MTFR1: variants seen among roughly 807,000 people sequenced by gnomAD.
MTFR1 encodes chondrocyte protein with a poly-proline region.
Under a neutral mutation model 38.8 loss-of-function variants are expected in MTFR1, and 28 were observed. That is an observed-to-expected ratio of 0.72 (90% CI 0.53 to 0.99). MTFR1 has a LOEUF of 0.99. Ranked by LOEUF, MTFR1 falls within the 50% of genes least tolerant of loss-of-function variation. The pLI is 0.00. For synonymous variants in MTFR1, 145 were observed against 137.0 expected, an observed-to-expected ratio of 1.06 and a Z score of -0.41; for missense variants, 358 against 395.5, an observed-to-expected ratio of 0.91 and a Z score of 0.81.
Position 65,707,831 on chromosome 8 carries a change from C to T in MTFR1, c.765-12C>T. 1 of 1,611,784 alleles carries T rather than the reference C, an allele frequency of 6.2e-7. No homozygotes were observed. Among genetic ancestry groups the T allele is most frequent in the Non-Finnish European group, 8.5e-7 (1 of 1,178,744 alleles). ...TTGATCTGTCCCCTTGGTTTGTGTT[C>T]ACTTCTCTAAGGTCAGAGCAAGATG... On this transcript the variant is annotated splice_polypyrimidine_tract_variant and intron_variant, in intron 6 of 7. Coordinates refer to ENST00000262146, the MANE Select transcript of MTFR1 (RefSeq NM_014637.4).
chr8:65,774,165 G>C (rs944478126), downstream of MTFR1, among the ~76,000 whole-genome samples: 2 of 152,106 alleles, frequency 1.3e-5, no homozygotes, highest in African/African-American at 4.8e-5. Context: ...TTTCTGCTAC[G>C]TTATTGCAGA....
intron 3 of MTFR1, chr8:65,747,610 C>A: frequency 7.3e-7 from 1 of 1,373,234 alleles, no homozygotes; most frequent in Non-Finnish European, 1.0e-6. Flanking sequence ...CTTCAGTAAA[C>A]TTATCAAAAA....
intron 3 of MTFR1, chr8:65,726,887 G>T: frequency 6.3e-7 from 1 of 1,587,590 alleles, no homozygotes; most frequent in Non-Finnish European, 8.6e-7. Flanking sequence ...GCTTTCTAAT[G>T]GCAGATGTGA....
chr8:65,645,701 C>CT, intron 1 of MTFR1, among the ~76,000 whole-genome samples: 1 of 133,824 alleles, frequency 7.5e-6, no homozygotes, highest in South Asian at 3.8e-4. Flanking sequence ...TTCCCCCCCC[C>CT]CCCCCTTTGT....
chr8:65,743,743 G>A (rs528689916), intron 3 of MTFR1, among the ~76,000 whole-genome samples: 1 of 152,152 alleles, frequency 6.6e-6, no homozygotes, highest in South Asian at 2.1e-4. Flanking sequence ...AAAAGCAGGT[G>A]ATTTCAAAGT....
intron 2 of MTFR1, among the ~76,000 whole-genome samples, chr8:65,715,856 C>T (rs1173556180): frequency 6.7e-6 from 1 of 150,150 alleles, no homozygotes; most frequent in East Asian, 2.0e-4. Context: ...GGCCTGGTGG[C>T]GGGCGCCTGT....
chr8:65,744,532 A>G (rs529424138), intron 3 of MTFR1, among the ~76,000 whole-genome samples: 2 of 152,258 alleles, frequency 1.3e-5, no homozygotes, highest in African/African-American at 2.4e-5. Flanking sequence ...GAGTGATTAG[A>G]ATCACCTGTG....
intron 3 of MTFR1, chr8:65,722,286 C>G (rs759285553): frequency 6.6e-6 from 1 of 152,294 alleles, no homozygotes; most frequent in Non-Finnish European, 1.5e-5. Context: ...GGCCACAGTT[C>G]TACACGCTCT....
intron 3 of MTFR1, chr8:65,719,761 G>A: frequency 4.6e-6 from 2 of 438,796 alleles, no homozygotes; most frequent in Non-Finnish European, 8.3e-6. Flanking sequence ...CCTTCTCAGT[G>A]GCACAACTAC....
In MTFR1 at chr8:65,670,024, T is replaced by C. The variant is rs1804525765; in HGVS notation, c.66+6T>C. On this transcript the variant is annotated splice_donor_region_variant and intron_variant, in intron 2 of 7. Transcript: ENST00000262146. ...TTGGAGTAAGCATGCAATCGGTGAGTGCTCAAAATTCATTTTTTAAATCCC... is the reference window on the plus strand; with the variant it reads ...TTGGAGTAAGCATGCAATCGGTGAGCGCTCAAAATTCATTTTTTAAATCCC... 6.3e-7 allele frequency: 1 copy of C among 1,581,726 alleles called. No homozygotes were observed. The highest frequency in any genetic ancestry group is 1.4e-5 in the African/African-American group (1 of 72,850).
intron 3 of MTFR1, among the ~76,000 whole-genome samples, chr8:65,741,701 C>T (rs555832740): frequency 5.9e-5 from 9 of 152,286 alleles, no homozygotes; most frequent in South Asian, 4.1e-4. Context: ...AAGTGAACAA[C>T]GTGTCTGTTG....
intron 3 of MTFR1, among the ~76,000 whole-genome samples, chr8:65,737,508 A>T (rs1807194031): frequency 1.3e-5 from 2 of 152,058 alleles, no homozygotes; most frequent in South Asian, 4.1e-4. Flanking sequence ...TATATTAATT[A>T]TTATTATTAT....
At chr8:65,773,705 T>C (rs1809177852), downstream of MTFR1, among the ~76,000 whole-genome samples, 2 of 152,220 alleles carry the variant, frequency 1.3e-5, no homozygotes, top group South Asian at 2.1e-4. Flanking sequence ...AGATTTATTT[T>C]ATTTGCTCCT....
chr8:65,739,134 TTC>T (rs942668420), intron 3 of MTFR1, among the ~76,000 whole-genome samples: 15 of 152,308 alleles, frequency 9.8e-5, no homozygotes, highest in East Asian at 9.6e-4. Flanking sequence ...AAATAAATAA[TTC>T]TTTTTTGTTT....
the MTFR1 span, among the ~76,000 whole-genome samples, chr8:65,777,848 T>C: frequency 6.6e-6 from 1 of 152,190 alleles, no homozygotes; most frequent in African/African-American, 2.4e-5. Flanking sequence ...TTGGTTTTCA[T>C]AGTTATACTC....
chr8:65,669,892 G>T lies in MTFR1; in HGVS notation c.-61G>T. ...TTTCAGTGTGTTTTATGGACCATGT[G>T]CTGCTATGTATGCCTGAAGAAGTAC... is the stretch of plus-strand genomic sequence containing the variant. On this transcript the variant is annotated 5_prime_UTR_variant, in exon 2 of 8. Coordinates refer to ENST00000262146, the MANE Select transcript of MTFR1 (RefSeq NM_014637.4). 1 of 1,285,802 alleles carries T rather than the reference G, an allele frequency of 7.8e-7. No individual in the cohort carries two copies. 79.6% of individuals were successfully genotyped at this position (1,285,802 alleles called of 1,614,324 possible).
downstream of MTFR1, among the ~76,000 whole-genome samples, chr8:65,775,222 A>G (rs1265490613): frequency 1.3e-5 from 2 of 152,200 alleles, no homozygotes; most frequent in East Asian, 3.8e-4. Flanking sequence ...TATTGCAAAC[A>G]ACCAGCTCTT....
intron 3 of MTFR1, among the ~76,000 whole-genome samples, chr8:65,755,881 C>A (rs1234216405): frequency 6.6e-6 from 1 of 152,186 alleles, no homozygotes; most frequent in Non-Finnish European, 1.5e-5. Flanking sequence ...CCCTAGCCTC[C>A]TGAGTAGCTA....
intron 2 of MTFR1, among the ~76,000 whole-genome samples, chr8:65,674,656 T>G (rs1391261533): frequency 6.6e-6 from 1 of 152,174 alleles, no homozygotes; most frequent in African/African-American, 2.4e-5. Context: ...GCTTTTAGAT[T>G]AGATTTTGTT....
Sources: allele counts gnomAD v4.1 joint callset (sites outside exome capture counted in the v4.1 genomes callset), GRCh38; gene constraint gnomAD v4.1.1; transcripts MANE v1.5; gene names NCBI Gene and HGNC (gene_info 2026-07-23, HGNC 2026-07-21).